The following DDX10 variants were observed in gnomAD, a reference collection of about 807,000 sequenced individuals.
DDX10 encodes the protein probable ATP-dependent RNA helicase DDX10.
DDX10 carries 74 observed loss-of-function variants against 104.3 expected under a neutral mutation model. The ratio of observed to expected loss-of-function variants is 0.71; its 90% CI spans 0.59 to 0.86. The LOEUF (loss-of-function observed/expected upper bound fraction) is 0.86. DDX10 is among the 40% of genes least tolerant of loss of function. The pLI is 0.00. For synonymous variants in DDX10, 351 were observed against 353.4 expected (o/e 0.99, Z 0.08); for missense variants, 952 against 1,040.0 (o/e 0.92, Z 1.16).
intron 15 of DDX10, among the ~76,000 whole-genome samples, chr11:108,845,191 G>A (rs975122753): frequency 6.6e-6 from 1 of 152,100 alleles, no homozygotes; most frequent in African/African-American, 2.4e-5. Flanking sequence ...CTGGGCGACA[G>A]AGCCAGACTC....
intron 16 of DDX10, among the ~76,000 whole-genome samples, chr11:108,872,890 C>T (rs1241542921): frequency 6.7e-6 from 1 of 149,632 alleles, no homozygotes; most frequent in Non-Finnish European, 1.5e-5. Flanking sequence ...CTTTCCCACT[C>T]CTCCCACCTC....
chr11:108,759,403 A>G (rs1235344669), intron 13 of DDX10, among the ~76,000 whole-genome samples: 1 of 151,594 alleles, frequency 6.6e-6, no homozygotes, highest in South Asian at 2.1e-4. Flanking sequence ...GTGACGATTC[A>G]GTGTTCCTAC....
intron 13 of DDX10, among the ~76,000 whole-genome samples, chr11:108,811,960 G>A (rs1862188923): frequency 6.6e-6 from 1 of 152,046 alleles, no homozygotes; most frequent in Non-Finnish European, 1.5e-5. Context: ...TTTGTTATAT[G>A]TATTGCAGTT....
chr11:108,901,130 G>A (rs1469275), intron 16 of DDX10, among the ~76,000 whole-genome samples: 152,309 of 152,338 alleles, frequency 1, 76,140 homozygotes, highest in Middle Eastern at 1. Flanking sequence ...TAGAACATAT[G>A]TCACTGCCTC....
chr11:108,802,435 A>G (rs1024492474), intron 13 of DDX10, among the ~76,000 whole-genome samples: 1 of 152,096 alleles, frequency 6.6e-6, no homozygotes, highest in Admixed American at 6.5e-5. Flanking sequence ...TGAAGCAATC[A>G]TTTATGTTTT....
chr11:108,744,166 A>G (rs1196648870), intron 13 of DDX10, among the ~76,000 whole-genome samples: 1 of 152,118 alleles, frequency 6.6e-6, no homozygotes, highest in African/African-American at 2.4e-5. Context: ...GAATGGCTTT[A>G]TATAGTTTTC....
chr11:108,715,448 C>G (rs1023898795), intron 10 of DDX10, among the ~76,000 whole-genome samples: 8 of 152,288 alleles, frequency 5.3e-5, no homozygotes, highest in Middle Eastern at 6.8e-3. Flanking sequence ...CACTTGAGTC[C>G]AGGGGTTCAA....
chr11:108,810,205 A>T (rs544513437), intron 13 of DDX10, among the ~76,000 whole-genome samples: 47 of 152,238 alleles, frequency 3.1e-4, no homozygotes, highest in African/African-American at 1.1e-3. Flanking sequence ...AGGACTGGTT[A>T]TTTGTTTTCC....
chr11:108,940,648 C>T lies in DDX10; in HGVS notation c.*225C>T, dbSNP rs1017071483. 9 of 384,428 alleles carry T rather than the reference C, an allele frequency of 2.3e-5. No homozygotes were observed. The highest frequency in any genetic ancestry group is 2.0e-4 in the East Asian group (5 of 24,936). The allele number at this position is 384,428 out of a possible 1,614,324, so 23.8% of individuals were successfully genotyped here. Reference sequence around the variant, plus strand: ...GGTGGATGATACCATTTCCTGACCCCGTTTTCCAGCATGTGTTCTGTTAGA... The same window carrying T: ...GGTGGATGATACCATTTCCTGACCCTGTTTTCCAGCATGTGTTCTGTTAGA... On this transcript the variant is annotated 3_prime_UTR_variant, in exon 18 of 18. Coordinates refer to ENST00000322536, the MANE Select transcript of DDX10 (RefSeq NM_004398.4).
At chr11:108,830,536 A>G (rs1862454851) in intron 13 of DDX10, among the ~76,000 whole-genome samples, 1 of 151,958 alleles carries the variant, frequency 6.6e-6, no homozygotes. Context: ...GTTTCCCTTT[A>G]TTTCTTTCTC....
At position 108,803,582 on chromosome 11, in the gene DDX10, GAAAAAAAAAAA is replaced by G. The variant is rs34367715; in HGVS notation, c.1966-34854_1966-34844del. Among the ~76,000 whole-genome samples the G allele has an allele frequency of 2.2e-4, 5 of 22,468 alleles. No individual in the cohort carries two copies. The Admixed American group carries it at 2.8e-3, about 12-fold the overall frequency. The allele number at this position is 22,468 out of a possible 152,430, so 14.7% of individuals were successfully genotyped here. Reference sequence around the variant, plus strand: ...GCCCTCTAGCCTGGGCAACAAGAGCGAAAAAAAAAAAAAAAAAAAAGAAAAAAATCTTTGTT... The same window carrying G: ...GCCCTCTAGCCTGGGCAACAAGAGCGAAAAAAAAAGAAAAAAATCTTTGTT... On this transcript the variant is annotated intron_variant, in intron 13 of 17. Coordinates refer to ENST00000322536, the MANE Select transcript of DDX10 (RefSeq NM_004398.4).
At chr11:108,810,520 G>GT (rs774284231) in intron 13 of DDX10, among the ~76,000 whole-genome samples, 2 of 152,048 alleles carry the variant, frequency 1.3e-5, no homozygotes, top group Non-Finnish European at 2.9e-5. Flanking sequence ...GCGGGGAAGA[G>GT]GTTGACAAGT....
chr11:108,784,495 TGCCTTA>T (rs1213603521), intron 13 of DDX10, among the ~76,000 whole-genome samples: 1 of 152,206 alleles, frequency 6.6e-6, no homozygotes, highest in Non-Finnish European at 1.5e-5. Context: ...GTGATCCTCC[TGCCTTA>T]GCCTCCAGAG....
At chr11:108,872,208 C>T (rs1863092075) in intron 16 of DDX10, among the ~76,000 whole-genome samples, 1 of 152,132 alleles carries the variant, frequency 6.6e-6, no homozygotes, top group Non-Finnish European at 1.5e-5. Context: ...CAAGATAAAT[C>T]ACAAATACAT....
At chr11:108,674,299 C>CAA (rs1203675024) in intron 2 of DDX10, among the ~76,000 whole-genome samples, 1 of 143,072 alleles carries the variant, frequency 7.0e-6, no homozygotes, top group African/African-American at 2.6e-5. Context: ...GACACCGTCT[C>CAA]AAAAAAAAAA....
chr11:108,706,493 ATTTC>A (rs893023622), intron 9 of DDX10, among the ~76,000 whole-genome samples: 2 of 152,126 alleles, frequency 1.3e-5, no homozygotes, highest in African/African-American at 4.8e-5. Context: ...TCTTTAATTG[ATTTC>A]TTTCTTAGAA....
At chr11:108,927,193 A>G (rs576052658) in intron 17 of DDX10, among the ~76,000 whole-genome samples, 1 of 152,302 alleles carries the variant, frequency 6.6e-6, no homozygotes, top group East Asian at 1.9e-4. Context: ...AGCTGCTCAG[A>G]CAGTCTAATA....
intron 13 of DDX10, among the ~76,000 whole-genome samples, chr11:108,751,017 A>G (rs2134505363): frequency 7.5e-6 from 1 of 133,868 alleles, no homozygotes; most frequent in Middle Eastern, 5.3e-3. Flanking sequence ...GCTGGCTTCA[A>G]GCGACCCTCC....
intron 8 of DDX10, among the ~76,000 whole-genome samples, chr11:108,692,547 T>G (rs2094254291): frequency 2.0e-5 from 3 of 152,310 alleles, no homozygotes; most frequent in Non-Finnish European, 4.4e-5. Context: ...AAACTAGACT[T>G]AGGAACAAAG....
Sources: gnomAD v4.1 joint callset for allele counts (sites outside exome capture counted in the v4.1 genomes callset) on GRCh38, gnomAD v4.1.1 for gene constraint, MANE v1.5 for transcripts, NCBI Gene and HGNC (gene_info 2026-07-23, HGNC 2026-07-21) for gene names.